The following HIVEP3 variants were observed in gnomAD, a reference collection of about 807,000 sequenced individuals.
The protein encoded by HIVEP3 is HIVEP zinc finger 3.
In HIVEP3, 49 loss-of-function variants were observed where a neutral mutation model predicts 152.8. That is an observed-to-expected ratio of 0.32 (90% CI 0.26 to 0.41). The LOEUF (loss-of-function observed/expected upper bound fraction) is 0.41. HIVEP3 is among the 10% of genes least tolerant of loss of function. The pLI is 1.00. For synonymous variants in HIVEP3, 1,269 were observed against 1,289.0 expected, an observed-to-expected ratio of 0.98 and a Z score of 0.33; for missense variants, 2,790 against 3,103.3, an observed-to-expected ratio of 0.90 and a Z score of 2.40.
intron 2 of HIVEP3, among the ~76,000 whole-genome samples, chr1:41,635,676 C>T (rs1362760609): frequency 6.7e-6 from 1 of 148,828 alleles, no homozygotes; most frequent in East Asian, 2.0e-4. Context: ...ACATACATAG[C>T]TGCAAGCTAA....
chr1:41,872,848 C>G (rs1381560041), intron 1 of HIVEP3, among the ~76,000 whole-genome samples: 1 of 152,148 alleles, frequency 6.6e-6, no homozygotes, highest in African/African-American at 2.4e-5. Context: ...GAATAAAGCT[C>G]TTATGAACAT....
chr1:41,531,703 T>G (rs1643260600), intron 5 of HIVEP3, among the ~76,000 whole-genome samples: 1 of 86,926 alleles, frequency 1.2e-5, no homozygotes, highest in Non-Finnish European at 2.3e-5. Flanking sequence ...ACAGGGGAGA[T>G]GGAGGACAGG....
At chr1:41,558,319 A>C (rs1307775471) in intron 5 of HIVEP3, among the ~76,000 whole-genome samples, 1 of 152,156 alleles carries the variant, frequency 6.6e-6, no homozygotes. Flanking sequence ...CTGGACCTAG[A>C]ACTTGATTCC....
intron 1 of HIVEP3, among the ~76,000 whole-genome samples, chr1:41,802,062 C>T (rs929318433): frequency 6.6e-5 from 10 of 152,314 alleles, no homozygotes; most frequent in African/African-American, 2.2e-4. Flanking sequence ...CTTGCCTAGC[C>T]ACAAGTTCAA....
intron 2 of HIVEP3, among the ~76,000 whole-genome samples, chr1:41,643,170 T>C (rs1312853521): frequency 2.0e-5 from 3 of 152,182 alleles, no homozygotes; most frequent in Non-Finnish European, 4.4e-5. Flanking sequence ...GCGGTACTTC[T>C]GCATCACAGC....
At chr1:41,920,708 C>T (rs983010364), upstream of HIVEP3, among the ~76,000 whole-genome samples, 1 of 151,666 alleles carries the variant, frequency 6.6e-6, no homozygotes, top group South Asian at 2.1e-4. Flanking sequence ...GAAGGTGATT[C>T]GAGTCCATCC....
intron 1 of HIVEP3, among the ~76,000 whole-genome samples, chr1:41,717,588 G>A (rs1646614197): frequency 1.3e-5 from 2 of 152,194 alleles, no homozygotes; most frequent in Non-Finnish European, 2.9e-5. Flanking sequence ...TTCAGGCACG[G>A]GGTTGGTACA....
intron 1 of HIVEP3, among the ~76,000 whole-genome samples, chr1:41,858,037 G>C (rs949280926): frequency 2.0e-5 from 3 of 150,692 alleles, no homozygotes; most frequent in African/African-American, 7.4e-5. Flanking sequence ...TAAAGGCTAT[G>C]GTCATTCAGG....
intron 5 of HIVEP3, among the ~76,000 whole-genome samples, chr1:41,526,543 A>ACCCT: frequency 2.1e-5 from 1 of 47,778 alleles, no homozygotes; most frequent in Non-Finnish European, 4.1e-5. Context: ...TTACACCCCC[A>ACCCT]CACTCACCCT....
chr1:41,886,413 A>G (rs1404667543), intron 1 of HIVEP3, among the ~76,000 whole-genome samples: 2 of 152,208 alleles, frequency 1.3e-5, no homozygotes, highest in East Asian at 3.9e-4. Context: ...AAAAAATAGG[A>G]TTGAAATATA....
chr1:41,813,542 C>G (rs941918240), intron 1 of HIVEP3, among the ~76,000 whole-genome samples: 61 of 152,360 alleles, frequency 4.0e-4, no homozygotes, highest in African/African-American at 1.4e-3. Flanking sequence ...TGCGACTTCT[C>G]TCCGCAGGAC....
At chr1:41,682,391 C>G (rs944525082) in intron 2 of HIVEP3, among the ~76,000 whole-genome samples, 10 of 152,126 alleles carry the variant, frequency 6.6e-5, no homozygotes, top group African/African-American at 2.2e-4. Flanking sequence ...AGGCACCAAG[C>G]CTGATTCTTC....
intron 1 of HIVEP3, among the ~76,000 whole-genome samples, chr1:41,901,928 T>C (rs1159639604): frequency 6.6e-6 from 1 of 152,210 alleles, no homozygotes; most frequent in Non-Finnish European, 1.5e-5. Flanking sequence ...GTCTGCTCTA[T>C]TCACAGCTGT....
chr1:41,624,746 G>A (rs1645092098), intron 3 of HIVEP3, among the ~76,000 whole-genome samples: 1 of 152,196 alleles, frequency 6.6e-6, no homozygotes, highest in African/African-American at 2.4e-5. Context: ...TGTCACTGAT[G>A]CAAACCAGAA....
At chr1:41,986,924 T>C (rs1645327192) in intron 1 of HIVEP3, among the ~76,000 whole-genome samples, 1 of 152,230 alleles carries the variant, frequency 6.6e-6, no homozygotes, top group African/African-American at 2.4e-5. Flanking sequence ...AGAGGATCTC[T>C]AAGGGTAATC....
chr1:41,906,308 GA>G (rs11383763), intron 1 of HIVEP3, among the ~76,000 whole-genome samples: 115 of 142,158 alleles, frequency 8.1e-4, no homozygotes, highest in South Asian at 5.4e-3. Context: ...GACTCTGTCT[GA>G]AAAAAAAAAA....
At chr1:41,695,012 A>G (rs1478946500) in intron 2 of HIVEP3, among the ~76,000 whole-genome samples, 2 of 152,228 alleles carry the variant, frequency 1.3e-5, no homozygotes, top group African/African-American at 4.8e-5. Context: ...AGAGTCAAAG[A>G]GCAAGGGTCC....
chr1:41,562,202 G>A (rs1644076256), intron 5 of HIVEP3, among the ~76,000 whole-genome samples: 1 of 152,166 alleles, frequency 6.6e-6, no homozygotes, highest in African/African-American at 2.4e-5. Context: ...AAAGGAACTG[G>A]CCAGTAATTA....
chr1:41,963,440 T>A (rs1645180198), intron 1 of HIVEP3, among the ~76,000 whole-genome samples: 1 of 150,864 alleles, frequency 6.6e-6, no homozygotes, highest in South Asian at 2.1e-4. Flanking sequence ...CATGAACTCA[T>A]CATTTTTCAT....
Sources: gnomAD v4.1 joint callset for allele counts (sites outside exome capture counted in the v4.1 genomes callset) on GRCh38, gnomAD v4.1.1 for gene constraint, MANE v1.5 for transcripts, NCBI Gene and HGNC (gene_info 2026-07-23, HGNC 2026-07-21) for gene names.